Variants in SHROOM3 observed in about 807,000 individuals in gnomAD.
SHROOM3 encodes the protein shroom family member 3.
In SHROOM3, 47 loss-of-function variants were observed where a neutral mutation model predicts 138.6. The ratio of observed to expected loss-of-function variants is 0.34; its 90% CI spans 0.27 to 0.43. The LOEUF is 0.43. SHROOM3 is among the 20% of genes least tolerant of loss of function. SHROOM3 has a pLI of 1.00. For missense variants in SHROOM3, 2,491 were observed against 2,596.5 expected, an observed-to-expected ratio of 0.96 and a Z score of 0.88; for synonymous variants, 1,062 against 1,063.3, an observed-to-expected ratio of 1.00 and a Z score of 0.02.
At chr4:76,458,497 C>G (rs1483578913) in intron 1 of SHROOM3, among the ~76,000 whole-genome samples, 4 of 152,168 alleles carry the variant, frequency 2.6e-5, no homozygotes, top group Non-Finnish European at 5.9e-5. Flanking sequence ...TCACCACTAT[C>G]TGGTTCCGGA....
intron 3 of SHROOM3, among the ~76,000 whole-genome samples, chr4:76,714,251 T>G (rs986751079): frequency 2.6e-5 from 4 of 152,328 alleles, no homozygotes; most frequent in Admixed American, 2.0e-4. Context: ...TAATGTCCTG[T>G]TTCTGTTCTA....
intron 2 of SHROOM3, among the ~76,000 whole-genome samples, chr4:76,592,371 T>C (rs545342679): frequency 6.6e-6 from 1 of 152,352 alleles, no homozygotes; most frequent in East Asian, 1.9e-4. Flanking sequence ...AAGCCTTCTA[T>C]AGAGTGCCTA....
chr4:76,477,411 C>T lies in SHROOM3; in HGVS notation c.168+41191C>T, dbSNP rs28451393. On this transcript the variant is annotated intron_variant, in intron 1 of 10. Transcript: ENST00000296043. ...AAACTCAGACCATTGCCCCTTGCCT[C>T]AAGACTGCACATAACATAATCCTCT... 7.0e-3 allele frequency among the ~76,000 whole-genome samples: 1,070 copies of T among 152,286 alleles called. 16 individuals are homozygous for T. The highest frequency in any genetic ancestry group is 0.024 in the African/African-American group (1,006 of 41,558).
Position 76,483,571 on chromosome 4 carries a change from T to C in SHROOM3, c.168+47351T>C, listed in dbSNP as rs926490135. Among the ~76,000 whole-genome samples the C allele has an allele frequency of 3.3e-5, 5 of 152,296 alleles. No homozygotes were observed. In the South Asian group the frequency reaches 6.2e-4, roughly 19 times the overall value. On this transcript the variant is annotated intron_variant, in intron 1 of 10. Coordinates refer to ENST00000296043, the MANE Select transcript of SHROOM3 (RefSeq NM_020859.4). ...GTGGGAGTGTAAATTAGTTCAACCATTTTAGAAGACAGTGTGGTGATTCCT... is the reference window on the plus strand; with the variant it reads ...GTGGGAGTGTAAATTAGTTCAACCACTTTAGAAGACAGTGTGGTGATTCCT...
chr4:76,575,814 T>C (rs748090605), intron 2 of SHROOM3, among the ~76,000 whole-genome samples: 6 of 152,326 alleles, frequency 3.9e-5, no homozygotes, highest in African/African-American at 4.8e-5. Context: ...AGATATTCCA[T>C]GTTCACAAAT....
Position 76,779,045 on chromosome 4 carries a change from G to A in SHROOM3, c.5859G>A (p.Leu1953=). Residue 1953 remains leucine (L), a synonymous_variant, in exon 11 of 11, where the codon CTG becomes CTA. Transcript: ENST00000296043. ...GCCAGGAGCAGGTCAAGTGTCTGCTGGAGAGCCTGCCCTCAGATTTCATTC... is the reference window on the plus strand; with the variant it reads ...GCCAGGAGCAGGTCAAGTGTCTGCTAGAGAGCCTGCCCTCAGATTTCATTC... ...KLGQEQVKCL[L]ESLPSDFIPK... is the part of the protein sequence containing the mutation. 6.2e-7 allele frequency: 1 copy of A among 1,614,202 alleles called. No individual in the cohort carries two copies. The highest frequency in any genetic ancestry group is 1.1e-5 in the South Asian group (1 of 91,084).
At chr4:76,536,113 G>T (rs1361409148) in intron 1 of SHROOM3, among the ~76,000 whole-genome samples, 1 of 152,138 alleles carries the variant, frequency 6.6e-6, no homozygotes, top group Non-Finnish European at 1.5e-5. Context: ...ATGGAATTTG[G>T]GCAAATGGCA....
chr4:76,664,092 G>C lies in SHROOM3; in HGVS notation c.324-46064G>C, dbSNP rs1718621014. Among the ~76,000 whole-genome samples the C allele has an allele frequency of 6.6e-6, 1 of 152,176 alleles. No homozygotes were observed. The highest frequency in any genetic ancestry group is 6.5e-5 in the Admixed American group (1 of 15,274). On this transcript the variant is annotated intron_variant, in intron 2 of 10. Transcript: ENST00000296043. This position sits in a 1 kb window ranked among gnomAD's most constrained non-coding sequence, Gnocchi z 4.2. The stretch of plus-strand genomic sequence containing the variant: ...TTCAAAGTGGGTGAACTACTTGCTG[G>C]CTGTAAGTCTGGCGTCATTGAAAGA...
chr4:76,759,803 T>C (rs1721937431), intron 9 of SHROOM3, 108 bp downstream of exon 9: 1 of 1,301,860 alleles, frequency 7.7e-7, no homozygotes, highest in Non-Finnish European at 1.1e-6. Context: ...GGAAAGGACC[T>C]GTCACATCAC....
intron 2 of SHROOM3, among the ~76,000 whole-genome samples, chr4:76,702,261 A>G (rs1036816249): frequency 6.6e-6 from 1 of 152,186 alleles, no homozygotes; most frequent in Non-Finnish European, 1.5e-5. Context: ...TCTACTTTTT[A>G]ATTTAATTTT....
At chr4:76,568,793 TCCTACC>T (rs1733779037) in intron 2 of SHROOM3, among the ~76,000 whole-genome samples, 1 of 152,240 alleles carries the variant, frequency 6.6e-6, no homozygotes, top group Non-Finnish European at 1.5e-5. Context: ...TACTCCCACC[TCCTACC>T]CCTCAGGGAG....
At chr4:76,475,284 G>C (rs114333199) in intron 1 of SHROOM3, among the ~76,000 whole-genome samples, 182 of 152,258 alleles carry the variant, frequency 1.2e-3, no homozygotes, top group African/African-American at 4.3e-3. Flanking sequence ...TTCTGATTTG[G>C]AGAACTGGGA....
chr4:76,640,402 A>C (rs1577943637), intron 2 of SHROOM3, among the ~76,000 whole-genome samples: 11 of 152,198 alleles, frequency 7.2e-5, no homozygotes, highest in Admixed American at 7.2e-4. Context: ...CTTCACGCTC[A>C]CCTGCTGGCG....
chr4:76,452,228 A>T (rs1170717593), intron 1 of SHROOM3, among the ~76,000 whole-genome samples: 1 of 152,252 alleles, frequency 6.6e-6, no homozygotes, highest in East Asian at 1.9e-4. Flanking sequence ...AATATACATA[A>T]CATAAAATTA....
chr4:76,693,820 CTTTTTTTT>C (rs71212443), intron 2 of SHROOM3, among the ~76,000 whole-genome samples: 4 of 141,614 alleles, frequency 2.8e-5, no homozygotes, highest in Non-Finnish European at 4.6e-5. Context: ...AGGCAAACTC[CTTTTTTTT>C]TTTTTTTTTT....
At position 76,664,725 on chromosome 4, in the gene SHROOM3, A is replaced by G. The variant is rs1468482184; in HGVS notation, c.324-45431A>G. On this transcript the variant is annotated intron_variant, in intron 2 of 10. Transcript: ENST00000296043. This position sits in a 1 kb window ranked among gnomAD's most constrained non-coding sequence, Gnocchi z 4.2. ...TCAATAATGTTAAGTGTATAGTTCA[A>G]TAAGTTTAAGTATATCAAAGTTATT... Among the ~76,000 whole-genome samples, 2 of 152,228 alleles carry G rather than the reference A, an allele frequency of 1.3e-5. No individual in the cohort carries two copies. Among genetic ancestry groups the G allele is most frequent in the Admixed American group, 6.5e-5 (1 of 15,290 alleles).
chr4:76,770,478 G>T (rs1467271446), intron 9 of SHROOM3, 148 bp from the exon 10 acceptor site: 3 of 784,726 alleles, frequency 3.8e-6, no homozygotes, highest in Non-Finnish European at 5.8e-6. Flanking sequence ...GGCTATTATG[G>T]CATAATATTG....
At chr4:76,633,237 A>G (rs1347958633) in intron 2 of SHROOM3, among the ~76,000 whole-genome samples, 2 of 145,758 alleles carry the variant, frequency 1.4e-5, no homozygotes, top group African/African-American at 5.1e-5. Context: ...GCTACTCAGG[A>G]GGCTGAGGCA....
At chr4:76,522,715 G>A (rs894557019) in intron 1 of SHROOM3, among the ~76,000 whole-genome samples, 1 of 152,186 alleles carries the variant, frequency 6.6e-6, no homozygotes, top group African/African-American at 2.4e-5. Context: ...TTGAACCTGG[G>A]AGGCAGAGGT....
Sources: gnomAD v4.1 joint callset for allele counts (sites outside exome capture counted in the v4.1 genomes callset) on GRCh38, gnomAD v4.1.1 for gene constraint, Gnocchi (gnomAD v3.1) non-coding constraint, MANE v1.5 for transcripts, NCBI Gene and HGNC (gene_info 2026-07-23, HGNC 2026-07-21) for gene names.